PTPRB: variants seen among roughly 807,000 people sequenced by gnomAD.
PTPRB encodes receptor-type tyrosine-protein phosphatase beta.
In PTPRB, 97 loss-of-function variants were observed where a neutral mutation model predicts 238.1. That is an observed-to-expected ratio of 0.41 (90% CI 0.35 to 0.48). The LOEUF is 0.48. Ranked by LOEUF, PTPRB falls within the 20% of genes least tolerant of loss-of-function variation. The pLI is 0.30. For synonymous variants in PTPRB, 970 were observed against 995.4 expected (o/e 0.97, Z 0.48); for missense variants, 2,292 against 2,681.9 (o/e 0.85, Z 3.21).
chr12:70,590,201 T>C lies in PTPRB; in HGVS notation c.1813A>G (p.Asn605Asp). The C allele has an allele frequency of 1.3e-6, 2 of 1,584,710 alleles. No individual in the cohort carries two copies. The highest frequency in any genetic ancestry group is 1.7e-6 in the Non-Finnish European group (2 of 1,163,848). Residue 605 changes from asparagine to aspartate, a missense_variant, in exon 8 of 34, where the codon AAT (asparagine) becomes GAT (aspartate). Coordinates refer to ENST00000334414, the MANE Select transcript of PTPRB (RefSeq NM_001109754.4). ...PDKVANLEANNNGRMRSLVVS... is the reference protein window; with the variant it reads ...PDKVANLEANDNGRMRSLVVS... ...ACAAGAGACCTCATCCTGCCATTAT[T>C]GTTTGCCTCCAGGTTTGCAACTTTG... is the stretch of plus-strand genomic sequence containing the variant.
At chr12:70,591,339 C>T (rs994058541) in intron 7 of PTPRB, among the ~76,000 whole-genome samples, 1 of 152,080 alleles carries the variant, frequency 6.6e-6, no homozygotes, top group Non-Finnish European at 1.5e-5. Context: ...AGAGAATGGA[C>T]TCTGGAATCA....
chr12:70,576,277 C>T (rs1161222365), intron 11 of PTPRB, 105 bp downstream of exon 11: 1 of 1,272,206 alleles, frequency 7.9e-7, no homozygotes, highest in Non-Finnish European at 1.1e-6. Flanking sequence ...TTTGTGATCT[C>T]AAGGGCCTTT....
At position 70,609,344 on chromosome 12, in the gene PTPRB, A is replaced by G; in HGVS notation, c.709-5T>C. On this transcript the variant is annotated splice_region_variant and splice_polypyrimidine_tract_variant and intron_variant, in intron 3 of 33. Coordinates refer to ENST00000334414, the MANE Select transcript of PTPRB (RefSeq NM_001109754.4). The stretch of plus-strand genomic sequence containing the variant: ...CTCTGGCTCCGCCAGTCCAGTCTGC[A>G]AAGGAATCAGACACAACAGTTTAAG... 6.2e-7 allele frequency: 1 copy of G among 1,613,220 alleles called. No homozygotes were observed. Among genetic ancestry groups the G allele is most frequent in the Non-Finnish European group, 8.5e-7 (1 of 1,179,548 alleles).
chr12:70,613,582 TTA>T (rs944618857), intron 3 of PTPRB, among the ~76,000 whole-genome samples: 6 of 152,208 alleles, frequency 3.9e-5, no homozygotes. Flanking sequence ...CAAGGAAAAA[TTA>T]TGTCTTTATT....
intron 33 of PTPRB, among the ~76,000 whole-genome samples, chr12:70,523,837 CAG>C (rs1279196877): frequency 6.6e-6 from 1 of 151,704 alleles, no homozygotes; most frequent in Non-Finnish European, 1.5e-5. Flanking sequence ...TTTTTTGAGA[CAG>C]AGTCTCGCTC....
chr12:70,559,215 C>T, intron 18 of PTPRB, 128 bp downstream of exon 18: 1 of 1,011,182 alleles, frequency 9.9e-7, no homozygotes, highest in Non-Finnish European at 1.5e-6. Context: ...GAGACTTCTG[C>T]CTGAATTCAA....
At chr12:70,594,320 C>T in intron 6 of PTPRB, 147 bp downstream of exon 6, 1 of 1,145,374 alleles carries the variant, frequency 8.7e-7, no homozygotes, top group South Asian at 1.8e-5. Context: ...CCTTCTTTTT[C>T]TGAGTAGAAA....
At chr12:70,539,911 A>G in intron 24 of PTPRB, 28 bp downstream of exon 24, 2 of 1,589,774 alleles carry the variant, frequency 1.3e-6, no homozygotes, top group Non-Finnish European at 8.6e-7. Context: ...CTTTCAACAA[A>G]TTATACGAAG....
At chr12:70,568,087 T>C (rs1354689623) in intron 14 of PTPRB, among the ~76,000 whole-genome samples, 1 of 152,184 alleles carries the variant, frequency 6.6e-6, no homozygotes, top group Non-Finnish European at 1.5e-5. Flanking sequence ...GAAGACAACT[T>C]ACACTTCACC....
rs10709963 is a variant in PTPRB, at chr12:70,572,775, T to TAA, written c.2843-690_2843-689dup. On this transcript the variant is annotated intron_variant, in intron 11 of 33. Transcript: ENST00000334414. ...GGTGATGGAGCAAGACTCCATCTCA[T>TAA]AAAAAAAAAAAAAAAAAGAAAAGAA... 2.7e-4 allele frequency among the ~76,000 whole-genome samples: 25 copies of TAA among 93,950 alleles called. 1 individual carries two copies. The highest frequency in any genetic ancestry group is 7.4e-4 in the African/African-American group (21 of 28,440). The allele number at this position is 93,950 out of a possible 152,430, so 61.6% of individuals were successfully genotyped here. A position where few individuals can be genotyped will look rare whatever the true frequency, so the allele number is the denominator to read the frequency against.
intron 3 of PTPRB, among the ~76,000 whole-genome samples, chr12:70,614,696 A>G (rs1884603010): frequency 6.6e-6 from 1 of 152,160 alleles, no homozygotes; most frequent in African/African-American, 2.4e-5. Flanking sequence ...AACCTCAGGT[A>G]TTTATTAGAA....
Position 70,538,999 on chromosome 12 carries a change from C to T in PTPRB, c.5794G>A (p.Gly1932Ser). The part of the protein sequence containing the change: ...SKEYEELKDV[G>S]RNQSCDIALL... ...GCAATGTCACATGACTGGTTTCGGC[C>T]CACGTCTTTTAACTCCTGTTAGGTC... Residue 1932 changes from glycine (G) to serine (S), a missense_variant, in exon 27 of 34, where the codon GGC becomes AGC. Transcript: ENST00000334414. 4 of 1,613,614 alleles carry T rather than the reference C, an allele frequency of 2.5e-6. No homozygotes were observed. Among genetic ancestry groups the T allele is most frequent in the Non-Finnish European group, 3.4e-6 (4 of 1,179,744 alleles).
In PTPRB at chr12:70,517,055, T is replaced by A. The variant is rs1167114498; in HGVS notation, c.*4434A>T. 4 of 152,250 alleles carry A rather than the reference T, an allele frequency of 2.6e-5. No homozygotes were observed. The highest frequency in any genetic ancestry group is 4.8e-5 in the African/African-American group (2 of 41,456). 9.4% of individuals were successfully genotyped at this position (152,250 alleles called of 1,614,324 possible). On this transcript the variant is annotated 3_prime_UTR_variant, in exon 34 of 34. Transcript: ENST00000334414. The stretch of plus-strand genomic sequence containing the variant: ...AACAGATTTTTCCTGTTATCATGGC[T>A]GCATCAAATGTTACCCTGCATTTTA...
intron 21 of PTPRB, 128 bp downstream of exon 21, chr12:70,552,647 TAA>T: frequency 1.6e-6 from 2 of 1,219,804 alleles, no homozygotes; most frequent in Non-Finnish European, 2.3e-6. Flanking sequence ...AATTACCCAG[TAA>T]AATGCACAGT....
intron 2 of PTPRB, among the ~76,000 whole-genome samples, chr12:70,634,246 T>C (rs138567172): frequency 5.4e-4 from 82 of 152,280 alleles, no homozygotes; most frequent in Admixed American, 1.4e-3. Flanking sequence ...GAAAGACTAA[T>C]ATAAGCCTCA....
chr12:70,555,793 G>A, intron 19 of PTPRB, 77 bp downstream of exon 19: 1 of 1,514,440 alleles, frequency 6.6e-7, no homozygotes, highest in East Asian at 2.3e-5. Context: ...TAGCAGTGAT[G>A]GATATGATAG....
chr12:70,555,166 C>T lies in PTPRB; in HGVS notation c.5137G>A (p.Ala1713Thr), dbSNP rs780820563. The T allele has an allele frequency of 6.2e-6, 10 of 1,613,218 alleles. No individual in the cohort carries two copies. In the African/African-American group the frequency reaches 1.1e-4, roughly 17 times the overall value. ...TTAACTCATGATAACTTACCATCAG[C>T]CTCTCTCACCACCACTGTGAAGTAT... ...VKYFTVVVRE[A>T]DGSDELKPEQ... The change falls in exon 20 of 34, where the codon GCT becomes ACT. Residue 1713 changes from alanine to threonine, a missense_variant. Around this residue, in one of 4 missense-constraint regions of PTPRB, gnomAD observed 683 missense variants for 862.0 expected, o/e 0.79. Transcript: ENST00000334414.
chr12:70,527,375 A>G (rs549830429), intron 32 of PTPRB, among the ~76,000 whole-genome samples: 4 of 152,214 alleles, frequency 2.6e-5, no homozygotes, highest in South Asian at 4.1e-4. Context: ...ACAATTTCAC[A>G]TATATTCTGG....
Position 70,534,502 on chromosome 12 carries a change from A to C in PTPRB, c.6354T>G (p.Thr2118=). 6.2e-7 allele frequency: 1 copy of C among 1,612,628 alleles called. No homozygotes were observed. Among genetic ancestry groups the C allele is most frequent in the Non-Finnish European group, 8.5e-7 (1 of 1,179,674 alleles). ...TTTCCTAGTACCTGCAGTGCACCACAGTGGGCCCAGCACCCGGGCTTCTGT... is the reference window on the plus strand; with the variant it reads ...TTTCCTAGTACCTGCAGTGCACCACCGTGGGCCCAGCACCCGGGCTTCTGT... ...YINRSPGAGP[T]VVHCSAGVGR... The change falls in exon 31 of 34, where the codon ACT becomes ACG. Residue 2118 remains threonine, a synonymous_variant. Transcript: ENST00000334414.
Sources: gnomAD v4.1 joint callset for allele counts (sites outside exome capture counted in the v4.1 genomes callset) on GRCh38, gnomAD v4.1.1 for gene constraint, gnomAD v4.1.1 regional missense constraint, MANE v1.5 for transcripts, NCBI Gene and HGNC (gene_info 2026-07-23, HGNC 2026-07-21) for gene names.